The following TTC34 variants were observed in gnomAD, a reference collection of about 807,000 sequenced individuals.
The protein encoded by TTC34 is tetratricopeptide repeat domain 34, also known as tetratricopeptide repeat protein 34.
Under a neutral mutation model 40.7 loss-of-function variants are expected in TTC34, and 44 were observed. That is an observed-to-expected ratio of 1.08 (90% CI 0.85 to 1.39). The LOEUF (loss-of-function observed/expected upper bound fraction) is 1.39, where lower values mean the gene tolerates loss of function less well. Ranked by LOEUF, TTC34 falls within the 40% of genes most tolerant of loss-of-function variation. The pLI is 0.00. For synonymous variants in TTC34, 422 were observed against 398.6 expected (o/e 1.06, Z -0.70); for missense variants, 884 against 838.0 (o/e 1.05, Z -0.68).
rs1463351643 is a variant in TTC34 at position 2,755,840 on chromosome 1, G to A, written c.2226+27769C>T. ...CACCCACAACCACAGGTGAGCATCCGACAGCCTGGAACATCACCCACACAC... is the reference window on the plus strand; with the variant it reads ...CACCCACAACCACAGGTGAGCATCCAACAGCCTGGAACATCACCCACACAC... On this transcript the variant is annotated intron_variant, in intron 6 of 8. Transcript: ENST00000401095. 3.4e-5 allele frequency among the ~76,000 whole-genome samples: 3 copies of A among 88,526 alleles called. 1 individual carries two copies. Among genetic ancestry groups the A allele is most frequent in the East Asian group, 7.7e-4 (2 of 2,596 alleles). 58.1% of individuals were successfully genotyped at this position (88,526 alleles called of 152,430 possible).
chr1:2,794,380 A>G (rs914279214), intron 2 of TTC34, among the ~76,000 whole-genome samples: 3 of 152,166 alleles, frequency 2.0e-5, no homozygotes, highest in African/African-American at 7.2e-5. Context: ...TTAGAACTTA[A>G]TCATTTTCTG....
chr1:2,682,702 C>CGCTGCCCT (rs1557605587), intron 6 of TTC34, among the ~76,000 whole-genome samples: 1 of 133,798 alleles, frequency 7.5e-6, no homozygotes, highest in Admixed American at 7.6e-5. Context: ...TGGAGCAGCA[C>CGCTGCCCT]CCACACACCC....
chr1:2,648,828 A>C (rs967379324), intron 6 of TTC34, among the ~76,000 whole-genome samples: 2 of 151,182 alleles, frequency 1.3e-5, no homozygotes, highest in Admixed American at 6.6e-5. Flanking sequence ...AGACTGGAGC[A>C]GCATTCTCCA....
At chr1:2,677,007 CACT>C (rs1639929756) in intron 6 of TTC34, among the ~76,000 whole-genome samples, 2 of 2,094 alleles carry the variant, frequency 9.6e-4, no homozygotes, top group Admixed American at 0.021. Flanking sequence ...CAGCACCCAC[CACT>C]CCCAGGCCAG....
intron 6 of TTC34, among the ~76,000 whole-genome samples, chr1:2,646,392 A>G (rs1266287806): frequency 6.6e-6 from 1 of 152,110 alleles, no homozygotes; most frequent in Non-Finnish European, 1.5e-5. Flanking sequence ...AATTAATTAT[A>G]TATATATTTT....
At chr1:2,656,348 A>C (rs1298156116) in intron 6 of TTC34, among the ~76,000 whole-genome samples, 3 of 147,416 alleles carry the variant, frequency 2.0e-5, no homozygotes, top group African/African-American at 2.6e-5. Context: ...CCAGGTGAGC[A>C]TCTGACAGCC....
chr1:2,749,007 G>C (rs1641232802), intron 6 of TTC34, among the ~76,000 whole-genome samples: 2 of 149,610 alleles, frequency 1.3e-5, no homozygotes, highest in Non-Finnish European at 3.0e-5. Context: ...CACACGCCCA[G>C]GTGAGCATCT....
At chr1:2,659,764 G>T in intron 6 of TTC34, among the ~76,000 whole-genome samples, 1 of 144,828 alleles carries the variant, frequency 6.9e-6, no homozygotes, top group African/African-American at 2.5e-5. Flanking sequence ...GGGAGCATCT[G>T]AAATCCTGGA....
Position 2,645,517 on chromosome 1 carries a change from G to A in TTC34, c.2273C>T (p.Thr758Ile). 4.7e-6 allele frequency: 7 copies of A among 1,502,616 alleles called. No homozygotes were observed. The highest frequency in any genetic ancestry group is 6.2e-6 in the Non-Finnish European group (7 of 1,129,986). The allele number at this position is 1,502,616 out of a possible 1,614,324, so 93.1% of individuals were successfully genotyped here. The stretch of plus-strand genomic sequence containing the variant: ...CAGAGAGCGGAGCTCAGGGACCACA[G>A]TCCCGGGGCCGAGCTTCAGAGCAGA... Residue 758 changes from threonine (T) to isoleucine (I), a missense_variant, in exon 7 of 9, where the codon ACT becomes ATT. Coordinates refer to ENST00000401095, the Ensembl canonical transcript of TTC34. This position sits in a 1 kb window ranked among gnomAD's most constrained non-coding sequence, Gnocchi z 4.7.
At chr1:2,690,222 CAGGTGAGGAT>C in intron 6 of TTC34, among the ~76,000 whole-genome samples, 1 of 150,398 alleles carries the variant, frequency 6.6e-6, no homozygotes. Flanking sequence ...ACCCACACCC[CAGGTGAGGAT>C]CTGACAGCCT....
intron 5 of TTC34, 41 bp downstream of exon 5, chr1:2,785,778 G>C: frequency 6.6e-7 from 1 of 1,524,532 alleles, no homozygotes; most frequent in Non-Finnish European, 8.8e-7. Context: ...CCCTGTGCCT[G>C]GCACAAGACT....
chr1:2,684,742 G>A (rs1435447583), intron 6 of TTC34, among the ~76,000 whole-genome samples: 2 of 92,714 alleles, frequency 2.2e-5, no homozygotes, highest in South Asian at 3.5e-4. Flanking sequence ...CGACAGCCTG[G>A]AACAGCACCA....
intron 6 of TTC34, among the ~76,000 whole-genome samples, chr1:2,685,380 T>C (rs1640285978): frequency 1.5e-5 from 2 of 136,814 alleles, no homozygotes; most frequent in African/African-American, 3.1e-5. Flanking sequence ...CATCTGATGT[T>C]CTGGAGCATC....
At chr1:2,641,630 T>G in exon 9 of TTC34, 1 of 1,534,936 alleles carries the variant, frequency 6.5e-7, no homozygotes, top group South Asian at 1.2e-5. Flanking sequence ...GGCCGCCGCC[T>G]CATCCCCCAG....
intron 6 of TTC34, among the ~76,000 whole-genome samples, chr1:2,686,352 C>A (rs1327373628): frequency 3.2e-4 from 48 of 151,932 alleles, no homozygotes; most frequent in Middle Eastern, 3.4e-3. Context: ...CCTGGAGCAG[C>A]ACCCACACCC....
intron 6 of TTC34, among the ~76,000 whole-genome samples, chr1:2,767,771 A>T (rs1241189631): frequency 6.8e-6 from 1 of 146,292 alleles, no homozygotes; most frequent in Non-Finnish European, 1.5e-5. Flanking sequence ...CTGCACCCCC[A>T]GTTGAGCATC....
chr1:2,651,007 G>A (rs370139934), intron 6 of TTC34, among the ~76,000 whole-genome samples: 4 of 139,802 alleles, frequency 2.9e-5, no homozygotes, highest in East Asian at 2.2e-4. Flanking sequence ...GCATCTGATA[G>A]CCTGAAACAG....
intron 6 of TTC34, among the ~76,000 whole-genome samples, chr1:2,759,397 C>A (rs1309462967): frequency 9.3e-6 from 1 of 107,150 alleles, no homozygotes; most frequent in Non-Finnish European, 1.9e-5. Context: ...AGCACCCACA[C>A]CCCCAGGTGG....
rs1197097292 is a variant in TTC34, at chr1:2,675,056, G to A, written c.2227-29493C>T. 1.7e-3 allele frequency among the ~76,000 whole-genome samples: 174 copies of A among 105,338 alleles called. 7 individuals are homozygous for A. The highest frequency in any genetic ancestry group is 2.7e-3 in the East Asian group (10 of 3,710). 69.1% of individuals were successfully genotyped at this position (105,338 alleles called of 152,430 possible). ...GCACCCACAACCACAGGTGAGCATC[G>A]GAGAGTCAGGAGCAGTGCCCACACA... On this transcript the variant is annotated intron_variant, in intron 6 of 8. Transcript: ENST00000401095.
Sources: allele counts gnomAD v4.1 joint callset (sites outside exome capture counted in the v4.1 genomes callset), GRCh38; gene constraint gnomAD v4.1.1; non-coding constraint Gnocchi (gnomAD v3.1); transcripts MANE v1.5; gene names NCBI Gene and HGNC (gene_info 2026-07-23, HGNC 2026-07-21).